Variants in GALNTL6 observed in about 807,000 individuals in gnomAD.
GALNTL6 encodes the protein polypeptide N-acetylgalactosaminyltransferase like 6.
In GALNTL6, 46 loss-of-function variants were observed where a neutral mutation model predicts 73.7. The ratio of observed to expected loss-of-function variants is 0.62; its 90% CI spans 0.49 to 0.80. The LOEUF (loss-of-function observed/expected upper bound fraction) is 0.80, where lower values mean the gene tolerates loss of function less well. GALNTL6 is among the 30% of genes least tolerant of loss of function. GALNTL6 has a pLI of 0.00. For synonymous variants in GALNTL6, 259 were observed against 263.7 expected (o/e 0.98, Z 0.17); for missense variants, 604 against 755.0 (o/e 0.80, Z 2.34).
chr4:172,127,803 T>C (rs1422762556), intron 2 of GALNTL6, among the ~76,000 whole-genome samples: 1 of 152,172 alleles, frequency 6.6e-6, no homozygotes, highest in Non-Finnish European at 1.5e-5. Context: ...ATCAGGGACA[T>C]ACATAAAAGT....
At chr4:172,355,114 G>C (rs1167942273) in intron 5 of GALNTL6, among the ~76,000 whole-genome samples, 1 of 151,934 alleles carries the variant, frequency 6.6e-6, no homozygotes, top group Non-Finnish European at 1.5e-5. Flanking sequence ...TTGCATTATG[G>C]ATTAGCTTTT....
chr4:172,746,342 A>G (rs899069787), intron 5 of GALNTL6, among the ~76,000 whole-genome samples: 1 of 152,096 alleles, frequency 6.6e-6, no homozygotes. Context: ...TGTTTTTATT[A>G]TTTGTCATCA....
intron 2 of GALNTL6, among the ~76,000 whole-genome samples, chr4:171,956,005 T>TGG (rs1326870869): frequency 8.6e-6 from 1 of 115,886 alleles, no homozygotes; most frequent in East Asian, 3.1e-4. Flanking sequence ...AATTTGTGTG[T>TGG]GTGTGTGTGG....
chr4:172,595,171 G>A (rs1737805851), intron 5 of GALNTL6, among the ~76,000 whole-genome samples: 1 of 152,084 alleles, frequency 6.6e-6, no homozygotes, highest in Admixed American at 6.5e-5. Flanking sequence ...TGGAGGTTAG[G>A]ATTTCAACAT....
chr4:172,371,300 GA>G (rs1278968262), intron 5 of GALNTL6, among the ~76,000 whole-genome samples: 2 of 152,308 alleles, frequency 1.3e-5, no homozygotes, highest in Non-Finnish European at 2.9e-5. Context: ...TTAAGATTTA[GA>G]TCCCCTGTTA....
chr4:172,738,130 TCTC>T, intron 5 of GALNTL6, among the ~76,000 whole-genome samples: 1 of 152,314 alleles, frequency 6.6e-6, no homozygotes, highest in Non-Finnish European at 1.5e-5. Context: ...CAAGGACAGT[TCTC>T]CTGCTGGTGA....
At chr4:171,816,362 A>G (rs548382582) in intron 2 of GALNTL6, 177 of 138,692 alleles carry the variant, frequency 1.3e-3, no homozygotes, top group African/African-American at 3.3e-3. Context: ...CTAATAGCAG[A>G]AAAAAAAAAC....
At chr4:171,832,596 TA>T (rs1363912697) in intron 2 of GALNTL6, among the ~76,000 whole-genome samples, 1 of 151,486 alleles carries the variant, frequency 6.6e-6, no homozygotes, top group African/African-American at 2.4e-5. Flanking sequence ...AAGTATAGAG[TA>T]AAAAATAAGA....
chr4:172,559,315 C>T (rs535203320), intron 5 of GALNTL6, among the ~76,000 whole-genome samples: 14 of 151,816 alleles, frequency 9.2e-5, no homozygotes, highest in African/African-American at 3.1e-4. Flanking sequence ...CCACCCACCT[C>T]GGCCTCCCAA....
chr4:172,156,867 G>C (rs1381229792), intron 2 of GALNTL6, among the ~76,000 whole-genome samples: 1 of 151,870 alleles, frequency 6.6e-6, no homozygotes, highest in African/African-American at 2.4e-5. Flanking sequence ...AATTGGACAA[G>C]CTCTGAAGTT....
At chr4:171,867,793 G>A (rs191723392) in intron 2 of GALNTL6, among the ~76,000 whole-genome samples, 20 of 152,218 alleles carry the variant, frequency 1.3e-4, no homozygotes, top group Non-Finnish European at 2.8e-4. Context: ...ATAAAATTCT[G>A]TATGATCTTG....
chr4:171,876,610 G>A (rs11723736), intron 2 of GALNTL6, among the ~76,000 whole-genome samples: 37,753 of 152,062 alleles, frequency 0.25, 4,779 homozygotes, highest in Middle Eastern at 0.32. Flanking sequence ...ACAATGGGCA[G>A]AGCCATTTGC....
At chr4:171,816,526 TA>T (rs1272340053) in intron 2 of GALNTL6, among the ~76,000 whole-genome samples, 1 of 152,060 alleles carries the variant, frequency 6.6e-6, no homozygotes, top group East Asian at 1.9e-4. Context: ...TACTGTAGAA[TA>T]AATAACTGAA....
chr4:171,905,463 C>A (rs1259701836), intron 2 of GALNTL6, among the ~76,000 whole-genome samples: 1 of 151,478 alleles, frequency 6.6e-6, no homozygotes, highest in East Asian at 1.9e-4. Flanking sequence ...TATATATGCA[C>A]CCAATACAGG....
At chr4:172,301,820 C>G (rs1739938633) in intron 3 of GALNTL6, among the ~76,000 whole-genome samples, 1 of 152,146 alleles carries the variant, frequency 6.6e-6, no homozygotes, top group Non-Finnish European at 1.5e-5. Flanking sequence ...GGTTCAGGGA[C>G]CCACTTGAGG....
At chr4:171,952,117 T>G (rs1399507514) in intron 2 of GALNTL6, among the ~76,000 whole-genome samples, 1 of 152,050 alleles carries the variant, frequency 6.6e-6, no homozygotes, top group Admixed American at 6.5e-5. Flanking sequence ...AGTATTGGAA[T>G]GGAGATAAAC....
At chr4:172,464,665 C>G (rs1021536017) in intron 5 of GALNTL6, among the ~76,000 whole-genome samples, 1 of 151,966 alleles carries the variant, frequency 6.6e-6, no homozygotes, top group African/African-American at 2.4e-5. Context: ...CGAGATCGCA[C>G]CACTGCACTC....
At chr4:173,005,586 G>T (rs372062619) in intron 10 of GALNTL6, among the ~76,000 whole-genome samples, 1 of 152,136 alleles carries the variant, frequency 6.6e-6, no homozygotes, top group Non-Finnish European at 1.5e-5. Context: ...TATTAGAATT[G>T]TATCCACTTG....
At chr4:172,620,009 C>T (rs114329130) in intron 5 of GALNTL6, among the ~76,000 whole-genome samples, 192 of 152,296 alleles carry the variant, frequency 1.3e-3, no homozygotes, top group African/African-American at 4.5e-3. Context: ...TCAAAGCTAC[C>T]TTTCCTTTCA....
Sources: allele counts gnomAD v4.1 joint callset (sites outside exome capture counted in the v4.1 genomes callset), GRCh38; gene constraint gnomAD v4.1.1; transcripts MANE v1.5; gene names NCBI Gene and HGNC (gene_info 2026-07-23, HGNC 2026-07-21).